Variants in NIT2 observed in about 807,000 individuals in gnomAD.
NIT2 encodes the protein omega-amidase NIT2.
A neutral mutation model predicts 42.7 loss-of-function variants in NIT2; 46 were observed. The observed-to-expected ratio is 1.08, with a 90% CI of 0.85 to 1.38. The LOEUF is 1.38. Ranked by LOEUF, NIT2 falls within the 40% of genes most tolerant of loss-of-function variation. The probability of loss-of-function intolerance (pLI) is 0.00; values close to 1 mark genes in which losing one functional copy is unlikely to be tolerated. For missense variants in NIT2, 309 were observed against 342.5 expected (o/e 0.90, Z 0.77); for synonymous variants, 123 against 121.9 (o/e 1.01, Z -0.06).
intron 1 of NIT2, chr3:100,335,068 C>G (rs1312767553): frequency 4.0e-6 from 2 of 495,218 alleles, no homozygotes; most frequent in Non-Finnish European, 7.6e-6. Context: ...TCCTGCTTGA[C>G]AGAGGCTGAT....
rs1706371235 is a variant in NIT2 at position 100,360,618 on chromosome 3, T to C, written c.*5350T>C. 1.3e-5 allele frequency: 2 copies of C among 152,124 alleles called. No homozygotes were observed. Among genetic ancestry groups the C allele is most frequent in the African/African-American group, 4.8e-5 (2 of 41,414 alleles). 9.4% of individuals were successfully genotyped at this position (152,124 alleles called of 1,614,324 possible). On this transcript the variant is annotated 3_prime_UTR_variant, in exon 10 of 10. Transcript: ENST00000394140. ...TTGATTTAGAGCTAAGGTCACCTGA[T>C]GCTCAGGCCAGTAATTTCTCCCTGC... is the stretch of plus-strand genomic sequence containing the variant.
chr3:100,346,197 T>C lies in NIT2; in HGVS notation c.447T>C (p.Gly149=). ...STFDTPYCRV[G]LGICYDMRFA... ...TGGAAACAGCTTACTGCAGAGTGGG[T>C]CTGGGCATCTGCTACGACATGCGGT... Residue 149 remains glycine, a synonymous_variant, in exon 6 of 10, where the codon GGT becomes GGC. Coordinates refer to ENST00000394140, the MANE Select transcript of NIT2 (RefSeq NM_020202.5). 1 of 1,614,066 alleles carries C rather than the reference T, an allele frequency of 6.2e-7. No individual in the cohort carries two copies. Among genetic ancestry groups the C allele is most frequent in the Non-Finnish European group, 8.5e-7 (1 of 1,179,960 alleles).
At chr3:100,349,104 T>G (rs924568336) in intron 7 of NIT2, 6 of 404,208 alleles carry the variant, frequency 1.5e-5, no homozygotes, top group Non-Finnish European at 2.7e-5. Flanking sequence ...TTTTGGAAAC[T>G]GTACTTTTTT....
chr3:100,334,937 C>T (rs1264176438), intron 1 of NIT2, 139 bp downstream of exon 1: 2 of 819,834 alleles, frequency 2.4e-6, no homozygotes, highest in African/African-American at 1.8e-5. Flanking sequence ...GGCGGGCGTC[C>T]GCGTGGGTCC....
chr3:100,337,737 G>A (rs1402713662), intron 1 of NIT2, among the ~76,000 whole-genome samples: 2 of 152,184 alleles, frequency 1.3e-5, no homozygotes, highest in Non-Finnish European at 2.9e-5. Context: ...ACAGGCGTGA[G>A]CCATCACACC....
chr3:100,354,478 A>T (rs1321884249), intron 8 of NIT2, among the ~76,000 whole-genome samples: 2 of 152,166 alleles, frequency 1.3e-5, no homozygotes, highest in Non-Finnish European at 2.9e-5. Context: ...TAATCATCAG[A>T]TAACCACCGT....
rs1291885340 is a variant in NIT2, at chr3:100,361,595, T to TATCA, written c.*6328_*6331dup. 2.0e-5 allele frequency: 3 copies of TATCA among 152,160 alleles called. No homozygotes were observed. The highest frequency in any genetic ancestry group is 2.9e-5 in the Non-Finnish European group (2 of 68,002). The allele number at this position is 152,160 out of a possible 1,614,324, so 9.4% of individuals were successfully genotyped here. A position where few individuals can be genotyped will look rare whatever the true frequency, so the allele number is the denominator to read the frequency against. On this transcript the variant is annotated 3_prime_UTR_variant, in exon 10 of 10. Coordinates refer to ENST00000394140, the MANE Select transcript of NIT2 (RefSeq NM_020202.5). ...TCAACTCCTAATATGATTTGTGCAC[T>TATCA]ATCACCTTGAAGTAAACCAGACTAG...
chr3:100,345,585 A>G lies in NIT2; in HGVS notation c.337A>G (p.Ile113Val). The G allele has an allele frequency of 1.2e-6, 2 of 1,602,702 alleles. No homozygotes were observed. Among genetic ancestry groups the G allele is most frequent in the Middle Eastern group, 1.7e-4 (1 of 6,046 alleles). ...DGTLLAKYRK[I>V]HLFDIDVPGK... is the part of the protein sequence containing the mutation. Reference sequence around the variant, plus strand: ...ACCAAATCCATTATTTGTGATGCAGATCCATCTGTTTGACATTGATGTTCC... The same window carrying G: ...ACCAAATCCATTATTTGTGATGCAGGTCCATCTGTTTGACATTGATGTTCC... Residue 113 changes from isoleucine (I) to valine (V), a missense_variant and splice_region_variant, in exon 5 of 10, where the codon ATC (isoleucine) becomes GTC (valine). Physicochemically the swap from Ile to Val is conservative, Grantham distance 29. Coordinates refer to ENST00000394140, the MANE Select transcript of NIT2 (RefSeq NM_020202.5).
chr3:100,353,821 T>TGC (rs1186919551), intron 8 of NIT2, among the ~76,000 whole-genome samples: 23 of 150,286 alleles, frequency 1.5e-4, no homozygotes, highest in African/African-American at 5.7e-4. Context: ...TCGCCCAGGC[T>TGC]GGAGTGCAGT....
rs1428032601 is a variant in NIT2, at chr3:100,354,789, A to G, written c.701A>G (p.Lys234Arg). Residue 234 changes from lysine to arginine, a missense_variant, in exon 9 of 10, where the codon AAA (lysine) becomes AGA (arginine). Coordinates refer to ENST00000394140, the MANE Select transcript of NIT2 (RefSeq NM_020202.5). ...TTTTTCAGGGGGGAGGTTCTAGCCA[A>G]AGCTGGCACAGAAGAAGCAATCGTG... ...VVNPWGEVLAKAGTEEAIVYS... is the reference protein window; with the variant it reads ...VVNPWGEVLARAGTEEAIVYS... 1 of 1,609,526 alleles carries G rather than the reference A, an allele frequency of 6.2e-7. No homozygotes were observed. Among genetic ancestry groups the G allele is most frequent in the Non-Finnish European group, 8.5e-7 (1 of 1,177,816 alleles).
chr3:100,342,740 A>G (rs924142394), intron 4 of NIT2, among the ~76,000 whole-genome samples: 5 of 152,102 alleles, frequency 3.3e-5, no homozygotes, highest in Admixed American at 3.3e-4. Flanking sequence ...CAAAACAGGA[A>G]TACTTGATTT....
intron 4 of NIT2, among the ~76,000 whole-genome samples, chr3:100,343,692 G>C (rs1232975840): frequency 6.6e-6 from 1 of 152,180 alleles, no homozygotes; most frequent in Admixed American, 6.5e-5. Flanking sequence ...GCCACAGAAT[G>C]AGACTATTAG....
chr3:100,335,316 A>G (rs277630), intron 1 of NIT2, among the ~76,000 whole-genome samples: 22,513 of 152,208 alleles, frequency 0.15, 3,037 homozygotes, highest in East Asian at 0.5. Flanking sequence ...TATTTGTAAA[A>G]TGATGTTAAT....
At chr3:100,342,460 G>A (rs1177660603) in intron 4 of NIT2, among the ~76,000 whole-genome samples, 1 of 149,068 alleles carries the variant, frequency 6.7e-6, no homozygotes, top group Non-Finnish European at 1.5e-5. Context: ...TGGATTAATT[G>A]AATATTTTTT....
At chr3:100,349,635 G>T (rs1335106593) in intron 7 of NIT2, 1 of 152,248 alleles carries the variant, frequency 6.6e-6, no homozygotes, top group Admixed American at 6.5e-5. Flanking sequence ...GTACCCAGCT[G>T]ATTCTATGCC....
chr3:100,348,423 T>C (rs990608038), intron 6 of NIT2, among the ~76,000 whole-genome samples: 3 of 152,214 alleles, frequency 2.0e-5, no homozygotes, highest in African/African-American at 7.2e-5. Flanking sequence ...CACTGGGTCT[T>C]AGCCCTAGTT....
chr3:100,358,091 T>G lies in NIT2; in HGVS notation c.*2823T>G, dbSNP rs1162907352. ...ACGGCACCCAGCCTTTTGTTTGTTTTTGTTTTTATGTATTTCATTAAATGA... is the reference window on the plus strand; with the variant it reads ...ACGGCACCCAGCCTTTTGTTTGTTTGTGTTTTTATGTATTTCATTAAATGA... On this transcript the variant is annotated 3_prime_UTR_variant, in exon 10 of 10. Transcript: ENST00000394140. 2 of 152,254 alleles carry G rather than the reference T, an allele frequency of 1.3e-5. No individual in the cohort carries two copies. Among genetic ancestry groups the G allele is most frequent in the Non-Finnish European group, 2.9e-5 (2 of 68,058 alleles). The allele number at this position is 152,254 out of a possible 1,614,324, so 9.4% of individuals were successfully genotyped here.
intron 1 of NIT2, 64 bp from the exon 2 acceptor site, chr3:100,339,023 T>G: frequency 8.8e-7 from 1 of 1,135,422 alleles, no homozygotes. Flanking sequence ...TTGAGAACTA[T>G]GGCTCTGTCT....
chr3:100,357,637 C>CTTTTTT lies in NIT2; in HGVS notation c.*2386_*2391dup, dbSNP rs869283536. 26 of 118,808 alleles carry CTTTTTT rather than the reference C, an allele frequency of 2.2e-4. No individual in the cohort carries two copies. The highest frequency in any genetic ancestry group is 2.8e-4 in the African/African-American group (9 of 32,360). 7.4% of individuals were successfully genotyped at this position (118,808 alleles called of 1,614,324 possible). A position where few individuals can be genotyped will look rare whatever the true frequency, so the allele number is the denominator to read the frequency against. ...GGTGGATGCTAAACTTTTTACATTT[C>CTTTTTT]TTTTTTTTTTTTTTTTTTTTTTGAG... On this transcript the variant is annotated 3_prime_UTR_variant, in exon 10 of 10. Transcript: ENST00000394140.
Sources: allele counts gnomAD v4.1 joint callset (sites outside exome capture counted in the v4.1 genomes callset), GRCh38; gene constraint gnomAD v4.1.1; transcripts MANE v1.5; gene names NCBI Gene and HGNC (gene_info 2026-07-23, HGNC 2026-07-21).